Variants in MEGF11 observed in about 807,000 individuals in gnomAD.
MEGF11 encodes the protein multiple epidermal growth factor-like domains protein 11.
A neutral mutation model predicts 146.6 loss-of-function variants in MEGF11; 126 were observed. The ratio of observed to expected loss-of-function variants is 0.86; its 90% CI spans 0.74 to 1.00. The LOEUF (loss-of-function observed/expected upper bound fraction) is 1.00, where lower values mean the gene tolerates loss of function less well. MEGF11 is among the 50% of genes least tolerant of loss of function. MEGF11 has a pLI of 0.00. For missense variants in MEGF11, 1,509 were observed against 1,521.2 expected (o/e 0.99, Z 0.13); for synonymous variants, 532 against 583.4 (o/e 0.91, Z 1.27).
chr15:66,128,229 G>A, intron 2 of MEGF11, 77 bp downstream of exon 2: 1 of 943,468 alleles, frequency 1.1e-6, no homozygotes. Context: ...TGGATCTCCT[G>A]ACTGCCTCTG....
At chr15:66,155,835 G>A (rs760302382) in intron 1 of MEGF11, among the ~76,000 whole-genome samples, 9 of 152,158 alleles carry the variant, frequency 5.9e-5, no homozygotes, top group African/African-American at 9.7e-5. Context: ...GCTGCAGCCC[G>A]CTCCTGGCCA....
At chr15:66,106,487 T>C (rs2087088021) in intron 4 of MEGF11, among the ~76,000 whole-genome samples, 1 of 152,138 alleles carries the variant, frequency 6.6e-6, no homozygotes, top group Admixed American at 6.5e-5. Flanking sequence ...CTGAGCTCTT[T>C]ACATACCGTC....
chr15:65,969,193 A>G (rs1411517788), intron 8 of MEGF11, among the ~76,000 whole-genome samples: 1 of 152,200 alleles, frequency 6.6e-6, no homozygotes, highest in Admixed American at 6.5e-5. Context: ...GCTAGGGTCT[A>G]CTGGTATGGA....
At chr15:66,047,049 C>T (rs1312215112) in intron 5 of MEGF11, among the ~76,000 whole-genome samples, 3 of 152,216 alleles carry the variant, frequency 2.0e-5, no homozygotes, top group Non-Finnish European at 4.4e-5. Context: ...CACCTCTCAG[C>T]AGATTCTGAA....
chr15:66,183,849 C>T (rs1457864925), intron 1 of MEGF11, among the ~76,000 whole-genome samples: 1 of 152,094 alleles, frequency 6.6e-6, no homozygotes, highest in African/African-American at 2.4e-5. Context: ...CCTCACCTTG[C>T]GCTGCAAGGT....
intron 10 of MEGF11, among the ~76,000 whole-genome samples, chr15:65,952,341 CAGAG>C (rs1247455872): frequency 6.6e-6 from 1 of 152,150 alleles, no homozygotes; most frequent in Non-Finnish European, 1.5e-5. Flanking sequence ...TGGGGAGCCA[CAGAG>C]AGGGGTGATG....
At chr15:66,114,752 T>C (rs564547751) in intron 4 of MEGF11, among the ~76,000 whole-genome samples, 7 of 133,260 alleles carry the variant, frequency 5.3e-5, no homozygotes, top group East Asian at 2.5e-4. Flanking sequence ...CTGTAGATAA[T>C]GGAAGCGGAA....
chr15:65,913,578 T>C (rs1256441753), intron 20 of MEGF11, 159 bp downstream of exon 20: 6 of 663,110 alleles, frequency 9.0e-6, no homozygotes, highest in South Asian at 7.6e-5. Context: ...ACCCCAGATA[T>C]CTTCTCTAGG....
At chr15:65,957,174 T>G (rs1163443043) in intron 10 of MEGF11, among the ~76,000 whole-genome samples, 1 of 152,136 alleles carries the variant, frequency 6.6e-6, no homozygotes, top group Non-Finnish European at 1.5e-5. Flanking sequence ...AAATGATAAT[T>G]AAGAAGCCTA....
chr15:66,175,421 G>A (rs2090366654), intron 1 of MEGF11, among the ~76,000 whole-genome samples: 1 of 151,782 alleles, frequency 6.6e-6, no homozygotes, highest in African/African-American at 2.4e-5. Flanking sequence ...CTTCAAAATG[G>A]ACTGCAAAGC....
rs933680049 is a variant in MEGF11 at position 66,134,711 on chromosome 15, G to A, written c.-8-6300C>T. On this transcript the variant is annotated intron_variant, in intron 1 of 25. Transcript: ENST00000395614. ...CAAGGTGCAGCTACAGGGGCCCAGC[G>A]GGGAGAAGGGCGCTGAGGGAGGGAG... Among the ~76,000 whole-genome samples the A allele has an allele frequency of 2.2e-4, 34 of 152,356 alleles. No individual in the cohort carries two copies. The East Asian group carries it at 5.8e-3, about 26-fold the overall frequency.
chr15:65,952,432 G>T (rs187254445), intron 10 of MEGF11, among the ~76,000 whole-genome samples: 1 of 152,216 alleles, frequency 6.6e-6, no homozygotes, highest in East Asian at 1.9e-4. Context: ...CTAGCTCAGC[G>T]GGGTGTGAAG....
chr15:66,073,245 T>C (rs191523163), intron 5 of MEGF11, among the ~76,000 whole-genome samples: 9 of 152,246 alleles, frequency 5.9e-5, no homozygotes, highest in African/African-American at 1.4e-4. Flanking sequence ...GTCAAATAAA[T>C]CGGAAGTCTG....
chr15:66,036,355 C>T (rs1447867839), intron 5 of MEGF11, among the ~76,000 whole-genome samples: 2 of 152,240 alleles, frequency 1.3e-5, no homozygotes, highest in African/African-American at 4.8e-5. Flanking sequence ...CTTTGGGAAC[C>T]CAAGCTAAGG....
chr15:66,213,347 C>A (rs1219613851), intron 1 of MEGF11, among the ~76,000 whole-genome samples: 2 of 152,130 alleles, frequency 1.3e-5, no homozygotes, highest in African/African-American at 4.8e-5. Flanking sequence ...AAGATGGTGG[C>A]AGCATCAAGG....
At chr15:66,213,783 A>G (rs1406122891) in intron 1 of MEGF11, among the ~76,000 whole-genome samples, 1 of 152,002 alleles carries the variant, frequency 6.6e-6, no homozygotes, top group Non-Finnish European at 1.5e-5. Flanking sequence ...ACTAGTAGCT[A>G]CAACATTAGA....
chr15:65,964,863 GC>G (rs761062202), intron 9 of MEGF11, 44 bp downstream of exon 9: 37 of 1,490,568 alleles, frequency 2.5e-5, no homozygotes, highest in Middle Eastern at 2.4e-4. Context: ...CTCTACCTGA[GC>G]ACCCCCCGCC....
chr15:66,144,674 C>T (rs2089298151), intron 1 of MEGF11, among the ~76,000 whole-genome samples: 1 of 152,186 alleles, frequency 6.6e-6, no homozygotes, highest in Non-Finnish European at 1.5e-5. Context: ...TTCATAGCTC[C>T]CCCAGCCACC....
intron 5 of MEGF11, among the ~76,000 whole-genome samples, chr15:66,083,054 T>A (rs530988089): frequency 6.6e-6 from 1 of 152,162 alleles, no homozygotes; most frequent in East Asian, 1.9e-4. Flanking sequence ...TTCATGAGAG[T>A]GTGTCCAGGG....
Sources: gnomAD v4.1 joint callset for allele counts (sites outside exome capture counted in the v4.1 genomes callset) on GRCh38, gnomAD v4.1.1 for gene constraint, MANE v1.5 for transcripts, NCBI Gene and HGNC (gene_info 2026-07-23, HGNC 2026-07-21) for gene names.